The following ABCA1 variants were observed in gnomAD, a reference collection of about 807,000 sequenced individuals.
ABCA1 encodes ATP binding cassette subfamily A member 1, also known as phospholipid-transporting ATPase ABCA1.
ABCA1 carries 133 observed loss-of-function variants against 262.5 expected under a neutral mutation model. The ratio of observed to expected loss-of-function variants is 0.51; its 90% CI spans 0.44 to 0.59. The LOEUF (loss-of-function observed/expected upper bound fraction) is 0.59. ABCA1 is among the 20% of genes least tolerant of loss of function. The probability of loss-of-function intolerance (pLI) is 0.00; values close to 1 mark genes in which losing one functional copy is unlikely to be tolerated. For synonymous variants in ABCA1, 1,022 were observed against 1,043.5 expected (o/e 0.98, Z 0.40); for missense variants, 2,452 against 2,777.5 (o/e 0.88, Z 2.63).
At chr9:104,853,948 CTG>C (rs1481930853) in intron 7 of ABCA1, among the ~76,000 whole-genome samples, 6 of 152,172 alleles carry the variant, frequency 3.9e-5, no homozygotes, top group Non-Finnish European at 8.8e-5. Context: ...AGCAAATGCA[CTG>C]TGTAGATGTA....
At chr9:104,917,533 T>C (rs1841917142) in intron 1 of ABCA1, among the ~76,000 whole-genome samples, 1 of 151,988 alleles carries the variant, frequency 6.6e-6, no homozygotes, top group African/African-American at 2.4e-5. Flanking sequence ...GGTGGGTGGA[T>C]CACCTGAGGT....
chr9:104,858,401 A>G (rs1374533946), intron 7 of ABCA1, 121 bp downstream of exon 7: 3 of 1,096,558 alleles, frequency 2.7e-6, no homozygotes, highest in Non-Finnish European at 4.2e-6. Flanking sequence ...GAACTAAATT[A>G]TATCACAAAC....
chr9:104,840,297 A>C lies in ABCA1; in HGVS notation c.1036T>G (p.Phe346Val), dbSNP rs1163309448. The part of the protein sequence containing the change: ...GNGTEEDAET[F>V]YDNSTTPYCN... ...CACTCACTTGTAGAGTTGTCATAGA[A>C]GGTTTCAGCATCTTCCTCAGTGCCA... The change falls in exon 9 of 50, where the codon TTC (phenylalanine) becomes GTC (valine). Residue 346 changes from phenylalanine (F) to valine (V), a missense_variant. By Grantham distance (50) the Phe-to-Val change is conservative. Around this residue, in one of 4 missense-constraint regions of ABCA1, gnomAD observed 1,032 missense variants for 1,089.7 expected, o/e 0.95. Transcript: ENST00000374736. The C allele has an allele frequency of 6.2e-7, 1 of 1,614,186 alleles. No individual in the cohort carries two copies. The highest frequency in any genetic ancestry group is 2.2e-5 in the East Asian group (1 of 44,886).
intron 29 of ABCA1, among the ~76,000 whole-genome samples, 156 bp downstream of exon 29, chr9:104,810,644 G>A (rs937502310): frequency 1.3e-5 from 2 of 152,188 alleles, no homozygotes; most frequent in African/African-American, 4.8e-5. Flanking sequence ...GTTCGCTGCT[G>A]TTCTATGCAT....
At chr9:104,852,673 T>C (rs1835475841) in intron 7 of ABCA1, among the ~76,000 whole-genome samples, 1 of 151,976 alleles carries the variant, frequency 6.6e-6, no homozygotes. Context: ...ACATAGAGTC[T>C]GAAGAGTAAA....
At chr9:104,813,126 C>T (rs1035014247) in intron 27 of ABCA1, among the ~76,000 whole-genome samples, 4 of 152,334 alleles carry the variant, frequency 2.6e-5, no homozygotes, top group African/African-American at 9.6e-5. Flanking sequence ...CTCAGCTTCT[C>T]ACCCTATTAT....
rs1203134211 is a variant in ABCA1 at position 104,834,611 on chromosome 9, G to A, written c.1312-1840C>T. Among the ~76,000 whole-genome samples the A allele has an allele frequency of 1.3e-5, 2 of 149,272 alleles. 1 individual carries two copies. Among genetic ancestry groups the A allele is most frequent in the East Asian group, 4.4e-4 (2 of 4,582 alleles). On this transcript the variant is annotated intron_variant, in intron 11 of 49. Transcript: ENST00000374736. ...GCAAGACTAGAAAGATGCGCCCACT[G>A]AGATCACTGAGCACGTGGCCTCTCT...
In ABCA1 at chr9:104,837,437, G is replaced by A. The variant is rs773680408; in HGVS notation, c.1185C>T (p.Val395=). 1.2e-6 allele frequency: 2 copies of A among 1,614,008 alleles called. No homozygotes were observed. Among genetic ancestry groups the A allele is most frequent in the Non-Finnish European group, 1.7e-6 (2 of 1,179,934 alleles). The change falls in exon 10 of 50, where the codon GTC becomes GTT. Residue 395 remains valine, a synonymous_variant. Transcript: ENST00000374736. The part of the protein sequence containing the change: ...YTPDTPATRQ[V]MAEVNKTFQE... ...GCTGGGGGCAGCTTACCTCAGCCAT[G>A]ACCTGCCTTGTGGCTGGAGTGTCAG...
rs537710266 is a variant in ABCA1, at chr9:104,810,999, T to C, written c.4051-75A>G. On this transcript the variant is annotated intron_variant, in intron 28 of 49. Coordinates refer to ENST00000374736, the MANE Select transcript of ABCA1 (RefSeq NM_005502.4). Reference sequence around the variant, plus strand: ...GTTAGAAACAAGGCCAAGGGGCAAATCCCTACGAGTCCAGCCCACCTCCCC... The same window carrying C: ...GTTAGAAACAAGGCCAAGGGGCAAACCCCTACGAGTCCAGCCCACCTCCCC... 16 of 1,603,964 alleles carry C rather than the reference T, an allele frequency of 1.0e-5. No homozygotes were observed. The East Asian group carries it at 3.4e-4, about 34-fold the overall frequency.
intron 24 of ABCA1, 61 bp from the exon 25 acceptor site, chr9:104,816,406 T>C: frequency 6.6e-7 from 1 of 1,524,308 alleles, no homozygotes; most frequent in Non-Finnish European, 9.1e-7. Context: ...GAGTGAGGGC[T>C]GGCCATCCCC....
intron 5 of ABCA1, among the ~76,000 whole-genome samples, chr9:104,870,599 G>T (rs536707528): frequency 3.3e-5 from 5 of 151,146 alleles, no homozygotes; most frequent in African/African-American, 1.2e-4. Context: ...CCTTTAAGGG[G>T]TGATTAAGTT....
chr9:104,814,127 T>A lies in ABCA1; in HGVS notation c.3892A>T (p.Ile1298Leu), dbSNP rs539279965. The A allele has an allele frequency of 1.6e-5, 26 of 1,614,186 alleles. No individual in the cohort carries two copies. In the South Asian group the frequency reaches 2.7e-4, roughly 17 times the overall value. ...TCTTGCCCTAACAGACCTGGGTCTA[T>A]GTCAGAATCATTTGGATCAGCAGCA... ...DDAADPNDSD[I>L]DPESRETDLL... Residue 1298 changes from isoleucine to leucine, a missense_variant, in exon 27 of 50, where the codon ATA becomes TTA. By Grantham distance (5) the Ile-to-Leu change is conservative (BLOSUM62 2). Transcript: ENST00000374736.
chr9:104,834,645 C>T (rs750044226), intron 11 of ABCA1, among the ~76,000 whole-genome samples: 7 of 148,472 alleles, frequency 4.7e-5, no homozygotes, highest in Non-Finnish European at 8.9e-5. Context: ...CTGGGGTGCT[C>T]GTGAGGGGCA....
chr9:104,890,985 A>G (rs1482411784), intron 2 of ABCA1, among the ~76,000 whole-genome samples: 1 of 152,158 alleles, frequency 6.6e-6, no homozygotes, highest in Admixed American at 6.5e-5. Flanking sequence ...TATTGAGACT[A>G]TGCAGCATAT....
intron 27 of ABCA1, among the ~76,000 whole-genome samples, chr9:104,813,474 C>T (rs1157477956): frequency 1.3e-5 from 2 of 152,126 alleles, no homozygotes; most frequent in Admixed American, 6.5e-5. Flanking sequence ...AGTGCAATGG[C>T]GCAACCGTGG....
At chr9:104,918,243 C>T (rs761847375) in intron 1 of ABCA1, among the ~76,000 whole-genome samples, 1 of 152,062 alleles carries the variant, frequency 6.6e-6, no homozygotes, top group Non-Finnish European at 1.5e-5. Flanking sequence ...CAATGAGGAG[C>T]CAAACAATGC....
At chr9:104,852,799 T>C (rs1407153596) in intron 7 of ABCA1, among the ~76,000 whole-genome samples, 1 of 152,152 alleles carries the variant, frequency 6.6e-6, no homozygotes, top group Admixed American at 6.5e-5. Context: ...CAAAATCTGA[T>C]ACTTTCCAAC....
At chr9:104,864,971 T>C (rs1836955623) in intron 5 of ABCA1, among the ~76,000 whole-genome samples, 1 of 152,162 alleles carries the variant, frequency 6.6e-6, no homozygotes, top group Non-Finnish European at 1.5e-5. Flanking sequence ...CAACAACCCT[T>C]GGCTGTGCAC....
chr9:104,920,793 A>G (rs1386756180), intron 1 of ABCA1, among the ~76,000 whole-genome samples: 1 of 152,258 alleles, frequency 6.6e-6, no homozygotes, highest in Non-Finnish European at 1.5e-5. Flanking sequence ...TATAGGCAGA[A>G]GCCATCGCGC....
Sources: allele counts gnomAD v4.1 joint callset (sites outside exome capture counted in the v4.1 genomes callset), GRCh38; gene constraint gnomAD v4.1.1; regional missense constraint gnomAD v4.1.1; transcripts MANE v1.5; gene names NCBI Gene and HGNC (gene_info 2026-07-23, HGNC 2026-07-21).